Variants in PDGFC observed in about 807,000 individuals in gnomAD.
PDGFC encodes platelet derived growth factor C.
A neutral mutation model predicts 35.5 loss-of-function variants in PDGFC; 12 were observed. That is an observed-to-expected ratio of 0.34 (90% CI 0.22 to 0.55). The LOEUF (loss-of-function observed/expected upper bound fraction) is 0.55. Among genes scored for constraint, PDGFC ranks in the 20% least tolerant of loss-of-function variants. The probability of loss-of-function intolerance (pLI) is 0.91; values close to 1 mark genes in which losing one functional copy is unlikely to be tolerated. For synonymous variants in PDGFC, 159 were observed against 148.8 expected (o/e 1.07, Z -0.50); for missense variants, 322 against 412.4 (o/e 0.78, Z 1.90).
At chr4:156,796,163 A>C (rs2110897432) in intron 3 of PDGFC, among the ~76,000 whole-genome samples, 1 of 152,270 alleles carries the variant, frequency 6.6e-6, no homozygotes, top group East Asian at 1.9e-4. Flanking sequence ...TCAGAAAAAA[A>C]GTTTTCCTCC....
In PDGFC at chr4:156,825,584, T is replaced by TAAGAAGAAGAAG. The variant is rs1371864016; in HGVS notation, c.315-14568_315-14567insCTTCTTCTTCTT. On this transcript the variant is annotated intron_variant, in intron 2 of 5. Coordinates refer to ENST00000502773, the MANE Select transcript of PDGFC (RefSeq NM_016205.3). ...ATAATAATAATAATAATAATAATAA[T>TAAGAAGAAGAAG]AATAATAATAAGAAGAAGAAGAAGA... is the stretch of plus-strand genomic sequence containing the variant. Among the ~76,000 whole-genome samples the TAAGAAGAAGAAG allele has an allele frequency of 5.1e-3, 458 of 90,038 alleles. 1 individual carries two copies. The highest frequency in any genetic ancestry group is 6.1e-3 in the African/African-American group (101 of 16,566). 59.1% of individuals were successfully genotyped at this position (90,038 alleles called of 152,430 possible).
intron 2 of PDGFC, among the ~76,000 whole-genome samples, chr4:156,821,813 T>C (rs1732269847): frequency 6.6e-6 from 1 of 152,088 alleles, no homozygotes; most frequent in Non-Finnish European, 1.5e-5. Context: ...GCTCCCAAAG[T>C]GCTGGGATTA....
intron 1 of PDGFC, among the ~76,000 whole-genome samples, chr4:156,866,433 G>A (rs1006693859): frequency 2.6e-5 from 4 of 152,022 alleles, no homozygotes; most frequent in African/African-American, 9.7e-5. Flanking sequence ...AGTTCCTAAG[G>A]AACTGTTGAA....
chr4:156,936,259 T>C (rs926211464), intron 1 of PDGFC, among the ~76,000 whole-genome samples: 6 of 152,114 alleles, frequency 3.9e-5, no homozygotes, highest in African/African-American at 1.2e-4. Context: ...CTTGTTCCCC[T>C]AGAGAGTATT....
intron 1 of PDGFC, among the ~76,000 whole-genome samples, chr4:156,862,184 A>AT (rs1553970674): frequency 6.6e-6 from 1 of 152,236 alleles, no homozygotes; most frequent in African/African-American, 2.4e-5. Context: ...AGGTGCAACC[A>AT]TTTTATAGAA....
chr4:156,905,652 C>G (rs1406321011), intron 1 of PDGFC, among the ~76,000 whole-genome samples: 1 of 152,026 alleles, frequency 6.6e-6, no homozygotes, highest in Non-Finnish European at 1.5e-5. Flanking sequence ...GTCTCTAGTT[C>G]TCTCTCCTGT....
At chr4:156,928,537 C>T (rs17035447) in intron 1 of PDGFC, among the ~76,000 whole-genome samples, 2 of 152,008 alleles carry the variant, frequency 1.3e-5, no homozygotes, top group Admixed American at 1.3e-4. Flanking sequence ...GTAAAATACC[C>T]GGGTACTTGC....
intron 5 of PDGFC, among the ~76,000 whole-genome samples, chr4:156,765,493 C>T (rs1303392220): frequency 2.0e-5 from 3 of 152,110 alleles, no homozygotes; most frequent in Non-Finnish European, 4.4e-5. Context: ...AACAAAATGA[C>T]CTTGAACTTT....
intron 1 of PDGFC, among the ~76,000 whole-genome samples, chr4:156,962,021 C>T (rs957825443): frequency 1.3e-5 from 2 of 152,080 alleles, no homozygotes; most frequent in Admixed American, 1.3e-4. Flanking sequence ...CACACCAAAG[C>T]AGAAATCTGT....
chr4:156,869,435 CA>C (rs963396231), intron 1 of PDGFC, among the ~76,000 whole-genome samples: 42 of 143,322 alleles, frequency 2.9e-4, no homozygotes, highest in East Asian at 6.1e-4. Context: ...GACTCCATCT[CA>C]AAAAAAAAAA....
intron 1 of PDGFC, among the ~76,000 whole-genome samples, chr4:156,907,582 C>T (rs1007379973): frequency 6.6e-6 from 1 of 152,146 alleles, no homozygotes; most frequent in Non-Finnish European, 1.5e-5. Context: ...AAAGAATCTT[C>T]GAGGGAGTTG....
At chr4:156,861,666 C>T (rs572345237) in intron 1 of PDGFC, among the ~76,000 whole-genome samples, 2 of 152,032 alleles carry the variant, frequency 1.3e-5, no homozygotes, top group East Asian at 3.9e-4. Flanking sequence ...TATTCATGGA[C>T]ATTTGTACTA....
chr4:156,918,024 G>A (rs1731190894), intron 1 of PDGFC, among the ~76,000 whole-genome samples: 2 of 152,232 alleles, frequency 1.3e-5, no homozygotes, highest in South Asian at 4.2e-4. Flanking sequence ...GTTAGTACAA[G>A]AAGTAATTAC....
intron 2 of PDGFC, among the ~76,000 whole-genome samples, chr4:156,843,463 G>A (rs914395354): frequency 6.6e-6 from 1 of 152,196 alleles, no homozygotes; most frequent in African/African-American, 2.4e-5. Flanking sequence ...TTGGGGATAT[G>A]TAACGAACAC....
At chr4:156,960,021 C>T (rs1487823057) in intron 1 of PDGFC, among the ~76,000 whole-genome samples, 1 of 151,684 alleles carries the variant, frequency 6.6e-6, no homozygotes, top group Non-Finnish European at 1.5e-5. Flanking sequence ...GGCTTAAAAC[C>T]TCAAGACTGC....
chr4:156,767,953 T>C lies in PDGFC; in HGVS notation c.741A>G (p.Leu247=). 1.2e-6 allele frequency: 2 copies of C among 1,611,718 alleles called. No homozygotes were observed. The highest frequency in any genetic ancestry group is 1.7e-6 in the Non-Finnish European group (2 of 1,177,880). The change falls in exon 5 of 6, where the codon TTA becomes TTG. Residue 247 remains leucine (L), a synonymous_variant. Coordinates refer to ENST00000502773, the MANE Select transcript of PDGFC (RefSeq NM_016205.3). ...AGAAGTTACGAGGTGTGCAGCTGTA[T>C]AATCTTACCTCCTCTGTTAGAAGGT... is the stretch of plus-strand genomic sequence containing the variant. ...DLNLLTEEVR[L]YSCTPRNFSV...
chr4:156,787,713 A>C (rs1731166685), intron 3 of PDGFC, among the ~76,000 whole-genome samples: 1 of 152,108 alleles, frequency 6.6e-6, no homozygotes. Flanking sequence ...AGTGGTCAAG[A>C]GATGAATGAG....
intron 5 of PDGFC, among the ~76,000 whole-genome samples, chr4:156,765,754 T>C (rs2110790170): frequency 6.6e-6 from 1 of 152,302 alleles, no homozygotes; most frequent in South Asian, 2.1e-4. Context: ...CCAGAATACC[T>C]TTCCTGCTTC....
At chr4:156,952,065 T>C (rs1235552960) in intron 1 of PDGFC, among the ~76,000 whole-genome samples, 1 of 151,840 alleles carries the variant, frequency 6.6e-6, no homozygotes, top group Non-Finnish European at 1.5e-5. Context: ...ACAAAATGTG[T>C]CCTCTTTATA....
Sources: gnomAD v4.1 joint callset for allele counts (sites outside exome capture counted in the v4.1 genomes callset) on GRCh38, gnomAD v4.1.1 for gene constraint, MANE v1.5 for transcripts, NCBI Gene and HGNC (gene_info 2026-07-23, HGNC 2026-07-21) for gene names.